CDH23: variants seen among roughly 807,000 people sequenced by gnomAD.
CDH23 encodes the protein cadherin-23.
A neutral mutation model predicts 317.1 loss-of-function variants in CDH23; 189 were observed. The observed-to-expected ratio is 0.60, with a 90% CI of 0.53 to 0.67. The LOEUF is 0.67. Among genes scored for constraint, CDH23 ranks in the 30% least tolerant of loss-of-function variants. The pLI, the probability that CDH23 is intolerant of heterozygous loss-of-function variation, is 0.00. For synonymous variants in CDH23, 1,839 were observed against 1,876.8 expected, an observed-to-expected ratio of 0.98 and a Z score of 0.52; for missense variants, 4,401 against 4,592.4, an observed-to-expected ratio of 0.96 and a Z score of 1.20.
In CDH23 at chr10:71,467,785, G is replaced by T. The variant is rs113977526; in HGVS notation, c.145+21390G>T. On this transcript the variant is annotated intron_variant, in intron 3 of 69. Transcript: ENST00000224721. ...GCCTGGCACCTAAACAGCATTATGT[G>T]TATCGGCTCATGTTATTATCCCCAC... 1.7e-3 allele frequency among the ~76,000 whole-genome samples: 252 copies of T among 152,296 alleles called. 1 individual carries two copies. Among genetic ancestry groups the T allele is most frequent in the African/African-American group, 5.5e-3 (229 of 41,552 alleles).
At position 71,439,831 on chromosome 10, in the gene CDH23, C is replaced by T. The variant is rs41281302; in HGVS notation, c.-1C>T. 51,900 of 1,560,814 alleles carry T rather than the reference C, an allele frequency of 0.033. 2,571 individuals carry two copies. The highest frequency in any genetic ancestry group is 0.22 in the African/African-American group (16,250 of 73,310). ...TCTCTTTCTTTGTGTCCCCAGGAGC[C>T]ATGGGGCGCCATGTTGCCACCAGCT... On this transcript the variant is annotated 5_prime_UTR_variant, in exon 2 of 70. Coordinates refer to ENST00000224721, the MANE Select transcript of CDH23 (RefSeq NM_022124.6).
intron 38 of CDH23, among the ~76,000 whole-genome samples, chr10:71,763,883 TAAC>T (rs1284086902): frequency 1.3e-4 from 20 of 152,310 alleles, no homozygotes; most frequent in Admixed American, 1.2e-3. Flanking sequence ...GAATGACTGA[TAAC>T]AACTTGTGAT....
intron 14 of CDH23, among the ~76,000 whole-genome samples, chr10:71,657,128 G>T (rs571258772): frequency 1.8e-4 from 28 of 152,280 alleles, no homozygotes; most frequent in African/African-American, 6.5e-4. Flanking sequence ...CTCCATCTCC[G>T]CCTGACTGAC....
At chr10:71,795,848 C>T (rs1841387081) in intron 48 of CDH23, 1 of 987,230 alleles carries the variant, frequency 1.0e-6, no homozygotes, top group Non-Finnish European at 1.2e-6. Flanking sequence ...GGTTTGAGCT[C>T]TGTTTCTCTG....
intron 20 of CDH23, among the ~76,000 whole-genome samples, chr10:71,693,025 C>A (rs891889614): frequency 6.6e-5 from 10 of 152,192 alleles, no homozygotes; most frequent in African/African-American, 2.2e-4. Flanking sequence ...CAAGGCCAAG[C>A]GTCTGGGAAG....
At chr10:71,755,584 C>G in intron 38 of CDH23, 1 of 920,602 alleles carries the variant, frequency 1.1e-6, no homozygotes, top group South Asian at 1.5e-5. Context: ...CCCCAGAGTC[C>G]CACAGCTAGA....
intron 11 of CDH23, among the ~76,000 whole-genome samples, chr10:71,637,090 G>A (rs1459724134): frequency 3.3e-5 from 5 of 152,188 alleles, no homozygotes; most frequent in Non-Finnish European, 5.9e-5. Context: ...ACCTCCTGCC[G>A]AGGTCCCCTT....
At chr10:71,453,687 A>G (rs993415530) in intron 3 of CDH23, among the ~76,000 whole-genome samples, 15 of 152,196 alleles carry the variant, frequency 9.9e-5, no homozygotes, top group African/African-American at 3.6e-4. Context: ...ACAGTGGGAG[A>G]ATTATTTTTC....
intron 1 of CDH23, among the ~76,000 whole-genome samples, chr10:71,422,812 G>C (rs558932735): frequency 6.6e-6 from 1 of 152,248 alleles, no homozygotes; most frequent in Non-Finnish European, 1.5e-5. Context: ...CCATTTCATG[G>C]GTGGGAAAGT....
At chr10:71,403,101 G>A (rs567886855) in intron 1 of CDH23, among the ~76,000 whole-genome samples, 4 of 152,066 alleles carry the variant, frequency 2.6e-5, no homozygotes, top group South Asian at 4.2e-4. Context: ...CAGCCTGGGC[G>A]ACAGAGCCAG....
chr10:71,403,374 T>C (rs1450574650), intron 1 of CDH23, among the ~76,000 whole-genome samples: 1,337 of 112,770 alleles, frequency 0.012, 79 homozygotes, highest in African/African-American at 0.032. Flanking sequence ...TTTCTTTCTT[T>C]CTTTCTTTCT....
intron 6 of CDH23, among the ~76,000 whole-genome samples, chr10:71,548,583 TGCA>T (rs2132307191): frequency 6.6e-6 from 1 of 152,304 alleles, no homozygotes; most frequent in East Asian, 1.9e-4. Flanking sequence ...GCAGCCTCCC[TGCA>T]GGTCTCTGGG....
rs552560290 is a variant in CDH23 at position 71,510,281 on chromosome 10, G to C, written c.288+57G>C. On this transcript the variant is annotated intron_variant, in intron 4 of 69. Coordinates refer to ENST00000224721, the MANE Select transcript of CDH23 (RefSeq NM_022124.6). ...TCTCCTGGGGACAGGAGGAGACACT[G>C]GGGGAAGGACGGCCCGCCATCTTTT... is the stretch of plus-strand genomic sequence containing the variant. 32 of 1,582,378 alleles carry C rather than the reference G, an allele frequency of 2.0e-5. No individual in the cohort carries two copies. The South Asian group carries it at 3.3e-4, about 16-fold the overall frequency.
intron 11 of CDH23, chr10:71,622,941 C>T (rs935335411): frequency 1.1e-5 from 11 of 985,272 alleles, no homozygotes; most frequent in East Asian, 1.1e-4. Flanking sequence ...ATTAATTTGC[C>T]GAACCCCTGG....
chr10:71,810,451 A>ACAATACC (rs1461273202), intron 61 of CDH23, 21 bp from the exon 62 acceptor site: 3 of 1,612,236 alleles, frequency 1.9e-6, no homozygotes, highest in African/African-American at 2.7e-5. Context: ...GCCACACCCT[A>ACAATACC]CAATACCCCT....
At chr10:71,640,081 C>T (rs1005609481) in intron 11 of CDH23, among the ~76,000 whole-genome samples, 3 of 152,158 alleles carry the variant, frequency 2.0e-5, no homozygotes, top group Admixed American at 6.5e-5. Context: ...CATTTGAAAC[C>T]CCAAGAATTC....
chr10:71,751,078 AT>A lies in CDH23; in HGVS notation c.4845+9158del. On this transcript the variant is annotated intron_variant, in intron 38 of 69. Coordinates refer to ENST00000224721, the MANE Select transcript of CDH23 (RefSeq NM_022124.6). This position sits in a 1 kb window ranked among gnomAD's most constrained non-coding sequence, Gnocchi z 4.9. ...AGGGGCTGAGCCGTCCAGCATCCCC[AT>A]GTAGCATCCAGAGGGGTTGAGGGGC... The A allele has an allele frequency of 1.4e-6, 1 of 738,860 alleles. No individual in the cohort carries two copies. Among genetic ancestry groups the A allele is most frequent in the Non-Finnish European group, 2.2e-6 (1 of 457,870 alleles). 45.8% of individuals were successfully genotyped at this position (738,860 alleles called of 1,614,324 possible). A position where few individuals can be genotyped will look rare whatever the true frequency, so the allele number is the denominator to read the frequency against.
intron 1 of CDH23, among the ~76,000 whole-genome samples, chr10:71,428,720 C>A (rs1849232201): frequency 6.6e-6 from 1 of 152,164 alleles, no homozygotes. Context: ...TCCTGAGTAG[C>A]TGGGATTACA....
At chr10:71,755,502 A>G (rs1418247570) in intron 38 of CDH23, 1 of 1,563,028 alleles carries the variant, frequency 6.4e-7, no homozygotes, top group Non-Finnish European at 8.7e-7. Context: ...GTGAAGCCCC[A>G]TTCCCATTGC....
Sources: gnomAD v4.1 joint callset for allele counts (sites outside exome capture counted in the v4.1 genomes callset) on GRCh38, gnomAD v4.1.1 for gene constraint, Gnocchi (gnomAD v3.1) non-coding constraint, MANE v1.5 for transcripts, NCBI Gene and HGNC (gene_info 2026-07-23, HGNC 2026-07-21) for gene names.